PGR: variants seen among roughly 807,000 people sequenced by gnomAD.
PGR encodes nuclear receptor subfamily 3 group C member 3.
In PGR, 25 loss-of-function variants were observed where a neutral mutation model predicts 76.1. That is an observed-to-expected ratio of 0.33 (90% CI 0.24 to 0.46). The LOEUF (loss-of-function observed/expected upper bound fraction) is 0.46. PGR is among the 20% of genes least tolerant of loss of function. The probability of loss-of-function intolerance (pLI) is 1.00; values close to 1 mark genes in which losing one functional copy is unlikely to be tolerated. For missense variants in PGR, 1,172 were observed against 1,225.3 expected (o/e 0.96, Z 0.65); for synonymous variants, 579 against 535.0 (o/e 1.08, Z -1.14).
At position 101,113,118 on chromosome 11, in the gene PGR, A is replaced by G. The variant is rs184786966; in HGVS notation, c.1789+12889T>C. 3.7e-3 allele frequency among the ~76,000 whole-genome samples: 562 copies of G among 152,344 alleles called. 4 individuals are homozygous for G. The highest frequency in any genetic ancestry group is 0.013 in the African/African-American group (522 of 41,600). On this transcript the variant is annotated intron_variant, in intron 2 of 7. Transcript: ENST00000325455. ...TATAATACCTTCACAACAAAATCAA[A>G]TAACAGTGGAATCATCCCCAAAGAC...
rs560845858 is a variant in PGR at position 101,096,120 on chromosome 11, A to C, written c.1790-4244T>G. Among the ~76,000 whole-genome samples, 16 of 152,314 alleles carry C rather than the reference A, an allele frequency of 1.1e-4. 1 individual carries two copies. The highest frequency in any genetic ancestry group is 6.8e-3 in the Middle Eastern group (2 of 294). On this transcript the variant is annotated intron_variant, in intron 2 of 7. Coordinates refer to ENST00000325455, the MANE Select transcript of PGR (RefSeq NM_000926.4). Reference sequence around the variant, plus strand: ...TACCAAACAGAATGCAATTCTTATAAGTTTGGAAGAAAAAATGACTTAGAT... The same window carrying C: ...TACCAAACAGAATGCAATTCTTATACGTTTGGAAGAAAAAATGACTTAGAT...
chr11:101,073,327 G>T (rs944688572), intron 3 of PGR, among the ~76,000 whole-genome samples: 2 of 152,078 alleles, frequency 1.3e-5, no homozygotes, highest in Non-Finnish European at 2.9e-5. Context: ...CTAAAGCAGT[G>T]TTTGTTTAGA....
rs944772993 is a variant in PGR at position 101,030,298 on chromosome 11, A to G, written c.*8818T>C. The G allele has an allele frequency of 2.2e-5, 5 of 224,684 alleles. No homozygotes were observed. The highest frequency in any genetic ancestry group is 4.4e-5 in the Non-Finnish European group (5 of 112,776). The allele number at this position is 224,684 out of a possible 1,614,324, so 13.9% of individuals were successfully genotyped here. ...TCAACTTCAACACAAAAAAATGTGA[A>G]TATCTACCATGTGCAAAACAGTCAA... is the stretch of plus-strand genomic sequence containing the variant. On this transcript the variant is annotated 3_prime_UTR_variant, in exon 8 of 8. Coordinates refer to ENST00000325455, the MANE Select transcript of PGR (RefSeq NM_000926.4).
Position 101,127,525 on chromosome 11 carries a change from C to G in PGR, c.1546G>C (p.Gly516Arg), listed in dbSNP as rs1344139364. The G allele has an allele frequency of 2.0e-6, 3 of 1,530,594 alleles. No individual in the cohort carries two copies. Among genetic ancestry groups the G allele is most frequent in the Non-Finnish European group, 1.7e-6 (2 of 1,143,456 alleles). 94.8% of individuals were successfully genotyped at this position (1,530,594 alleles called of 1,614,324 possible). A position where few individuals can be genotyped will look rare whatever the true frequency, so the allele number is the denominator to read the frequency against. ...CCGAGCTGCGGGAGCCCGTTGAGGC[C>G]GAGTGCAGGGTAGAGCGCGGGGGCC... ...GAAPALYPAL[G>R]LNGLPQLGYQ... The change falls in exon 1 of 8, where the codon GGC (glycine) becomes CGC (arginine). Residue 516 changes from glycine (G) to arginine (R), a missense_variant. Physicochemically the swap from Gly to Arg is moderately radical, Grantham distance 125. Around this residue, in one of 4 missense-constraint regions of PGR, gnomAD observed 893 missense variants for 785.9 expected, o/e 1.14. Transcript: ENST00000325455.
chr11:101,117,747 C>A lies in PGR; in HGVS notation c.1789+8260G>T, dbSNP rs372013806. ...TAATTACTGTCTCTGTTTTTAAAGG[C>A]TTTGAATAAATCTTACTAGCTCAAT... On this transcript the variant is annotated intron_variant, in intron 2 of 7. Coordinates refer to ENST00000325455, the MANE Select transcript of PGR (RefSeq NM_000926.4). Among the ~76,000 whole-genome samples, 6 of 152,176 alleles carry A rather than the reference C, an allele frequency of 3.9e-5. No individual in the cohort carries two copies. The South Asian group carries it at 6.2e-4, about 16-fold the overall frequency.
rs1162055804 is a variant in PGR, at chr11:101,031,019, C to T, written c.*8097G>A. ...TGCTTGCCTGTAAAGTCTGCAACAT[C>T]TTAGAGAAGCTTGGATTTAGTGTGG... On this transcript the variant is annotated 3_prime_UTR_variant, in exon 8 of 8. Coordinates refer to ENST00000325455, the MANE Select transcript of PGR (RefSeq NM_000926.4). 1 of 190,238 alleles carries T rather than the reference C, an allele frequency of 5.3e-6. No individual in the cohort carries two copies. The highest frequency in any genetic ancestry group is 1.1e-5 in the Non-Finnish European group (1 of 90,718). 11.8% of individuals were successfully genotyped at this position (190,238 alleles called of 1,614,324 possible). A position where few individuals can be genotyped will look rare whatever the true frequency, so the allele number is the denominator to read the frequency against.
At chr11:101,054,619 T>G (rs992091223) in intron 4 of PGR, among the ~76,000 whole-genome samples, 1 of 152,228 alleles carries the variant, frequency 6.6e-6, no homozygotes, top group African/African-American at 2.4e-5. Flanking sequence ...ATTGCTGATC[T>G]GTCTCAACAA....
chr11:101,043,330 G>A (rs1024739387), intron 6 of PGR, among the ~76,000 whole-genome samples: 13 of 152,042 alleles, frequency 8.6e-5, no homozygotes, highest in South Asian at 2.1e-4. Context: ...GTTTTACCAC[G>A]AAACCTCTTC....
At chr11:101,045,786 G>C (rs1337326091) in intron 6 of PGR, among the ~76,000 whole-genome samples, 1 of 151,944 alleles carries the variant, frequency 6.6e-6, no homozygotes, top group East Asian at 1.9e-4. Context: ...TTGCTATAGT[G>C]AATACTGCTG....
chr11:101,045,263 AAACTT>A (rs1433320931), intron 6 of PGR, among the ~76,000 whole-genome samples: 1 of 152,170 alleles, frequency 6.6e-6, no homozygotes, highest in African/African-American at 2.4e-5. Flanking sequence ...TGTCAATTGA[AAACTT>A]AACTCTAGTA....
chr11:101,114,812 CT>C (rs1565365614), intron 2 of PGR, among the ~76,000 whole-genome samples: 1 of 152,168 alleles, frequency 6.6e-6, no homozygotes, highest in East Asian at 1.9e-4. Context: ...GACTGTTTTC[CT>C]TGTCCCTTAC....
At chr11:101,065,546 A>G (rs991869217) in intron 3 of PGR, among the ~76,000 whole-genome samples, 1 of 152,140 alleles carries the variant, frequency 6.6e-6, no homozygotes, top group East Asian at 1.9e-4. Flanking sequence ...GAATTCAGTG[A>G]CTAGACAATG....
chr11:101,078,549 C>T (rs1196950071), intron 3 of PGR, among the ~76,000 whole-genome samples: 1 of 152,066 alleles, frequency 6.6e-6, no homozygotes, highest in African/African-American at 2.4e-5. Context: ...ATATTATCAT[C>T]CTTAAGGGTG....
At chr11:101,116,637 G>C (rs2135494458) in intron 2 of PGR, among the ~76,000 whole-genome samples, 1 of 151,536 alleles carries the variant, frequency 6.6e-6, no homozygotes, top group African/African-American at 2.4e-5. Context: ...CTATTCGGGA[G>C]GCTGAGGCAG....
At chr11:101,042,220 AC>A (rs1035785007) in intron 6 of PGR, 118 bp from the exon 7 acceptor site, 2 of 945,056 alleles carry the variant, frequency 2.1e-6, no homozygotes, top group African/African-American at 3.3e-5. Context: ...TAGAAAAAAA[AC>A]ACCTTATATA....
At chr11:101,051,877 G>A (rs1311083014) in intron 4 of PGR, among the ~76,000 whole-genome samples, 4 of 152,074 alleles carry the variant, frequency 2.6e-5, no homozygotes, top group Non-Finnish European at 4.4e-5. Flanking sequence ...GCCAGGCACT[G>A]TATAAAAATG....
At chr11:101,082,051 C>A (rs1041469431) in intron 3 of PGR, among the ~76,000 whole-genome samples, 1 of 152,046 alleles carries the variant, frequency 6.6e-6, no homozygotes, top group Non-Finnish European at 1.5e-5. Flanking sequence ...CACATTTCCC[C>A]CATACTGTTG....
At chr11:101,119,720 A>T (rs1862616786) in intron 2 of PGR, among the ~76,000 whole-genome samples, 1 of 152,238 alleles carries the variant, frequency 6.6e-6, no homozygotes. Context: ...TTCTGAATAG[A>T]AGAAGGAACT....
rs773257286 is a variant in PGR, at chr11:101,127,737, C to G, written c.1334G>C (p.Ser445Thr). The G allele has an allele frequency of 6.4e-7, 1 of 1,560,222 alleles. No individual in the cohort carries two copies. Among genetic ancestry groups the G allele is most frequent in the African/African-American group, 1.3e-5 (1 of 74,444 alleles). Reference sequence around the variant, plus strand: ...GGAGGACGCAGACGAGACTGAGGCACTGGCGGGTGCGGCCGTCACCGCCGC... The same window carrying G: ...GGAGGACGCAGACGAGACTGAGGCAGTGGCGGGTGCGGCCGTCACCGCCGC... The part of the protein sequence containing the change: ...GEAAVTAAPA[S>T]ASVSSASSSG... The change falls in exon 1 of 8, where the codon AGT becomes ACT. Residue 445 changes from serine (S) to threonine (T), a missense_variant. Physicochemically the swap from Ser to Thr is moderately conservative, Grantham distance 58 (BLOSUM62 1). Around this residue, in one of 4 missense-constraint regions of PGR, gnomAD observed 893 missense variants for 785.9 expected, o/e 1.14. Transcript: ENST00000325455.
Sources: gnomAD v4.1 joint callset for allele counts (sites outside exome capture counted in the v4.1 genomes callset) on GRCh38, gnomAD v4.1.1 for gene constraint, gnomAD v4.1.1 regional missense constraint, MANE v1.5 for transcripts, NCBI Gene and HGNC (gene_info 2026-07-23, HGNC 2026-07-21) for gene names.